The following ZBTB20 variants were observed in gnomAD, a reference collection of about 807,000 sequenced individuals.
ZBTB20 encodes zinc finger and BTB domain containing 20.
In ZBTB20, 9 loss-of-function variants were observed where a neutral mutation model predicts 56.9. The observed-to-expected ratio is 0.16, with a 90% confidence interval of 0.10 to 0.28. ZBTB20 has a LOEUF of 0.28. Ranked by LOEUF, ZBTB20 falls within the 10% of genes least tolerant of loss-of-function variation. ZBTB20 has a pLI of 1.00. For missense variants in ZBTB20, 655 were observed against 1,003.0 expected (o/e 0.65, Z 4.69); for synonymous variants, 417 against 420.7 (o/e 0.99, Z 0.11).
chr3:115,103,395 T>A (rs966910688), intron 1 of ZBTB20, among the ~76,000 whole-genome samples: 1 of 152,096 alleles, frequency 6.6e-6, no homozygotes, highest in African/African-American at 2.4e-5. Context: ...ATAACCAACA[T>A]AATATTGAAA....
At chr3:114,457,767 A>C (rs1388827744) in intron 7 of ZBTB20, among the ~76,000 whole-genome samples, 1 of 152,196 alleles carries the variant, frequency 6.6e-6, no homozygotes, top group Non-Finnish European at 1.5e-5. Flanking sequence ...TGAGGTATAG[A>C]AAGATTGTGT....
At chr3:114,781,149 T>A (rs760251583) in intron 5 of ZBTB20, among the ~76,000 whole-genome samples, 2 of 152,206 alleles carry the variant, frequency 1.3e-5, no homozygotes, top group Admixed American at 6.5e-5. Flanking sequence ...TTTTTTAATG[T>A]AGGCTGTGGA....
intron 5 of ZBTB20, among the ~76,000 whole-genome samples, chr3:114,711,152 T>C (rs905318950): frequency 6.6e-6 from 1 of 152,178 alleles, no homozygotes; most frequent in Non-Finnish European, 1.5e-5. Flanking sequence ...ACCTCCTTAT[T>C]ATGCATTATT....
chr3:114,382,855 A>T (rs2084555030), intron 8 of ZBTB20, among the ~76,000 whole-genome samples: 1 of 152,122 alleles, frequency 6.6e-6, no homozygotes, highest in Non-Finnish European at 1.5e-5. Context: ...TCATTTACAT[A>T]TTCATTTTAC....
intron 5 of ZBTB20, among the ~76,000 whole-genome samples, chr3:114,716,214 TA>T (rs1447629525): frequency 6.6e-6 from 1 of 152,156 alleles, no homozygotes; most frequent in Non-Finnish European, 1.5e-5. Flanking sequence ...CAGTTCTCCT[TA>T]AATAAAATCC....
At chr3:114,506,403 T>C (rs1224614982) in intron 6 of ZBTB20, among the ~76,000 whole-genome samples, 1 of 152,154 alleles carries the variant, frequency 6.6e-6, no homozygotes, top group Non-Finnish European at 1.5e-5. Flanking sequence ...TGAATCTCCC[T>C]GTTCCTTCTT....
At chr3:114,551,513 T>C (rs1437966397) in intron 6 of ZBTB20, among the ~76,000 whole-genome samples, 1 of 152,168 alleles carries the variant, frequency 6.6e-6, no homozygotes, top group Non-Finnish European at 1.5e-5. Context: ...AATAAGGGCC[T>C]CAGAAAGTTA....
At chr3:114,464,977 C>T (rs947566393) in intron 7 of ZBTB20, among the ~76,000 whole-genome samples, 7 of 151,424 alleles carry the variant, frequency 4.6e-5, no homozygotes, top group African/African-American at 1.2e-4. Flanking sequence ...TTTTCCCCTT[C>T]GTTTTTCCTT....
At chr3:114,633,698 C>G (rs1253975865) in intron 6 of ZBTB20, among the ~76,000 whole-genome samples, 2 of 152,040 alleles carry the variant, frequency 1.3e-5, no homozygotes, top group African/African-American at 4.8e-5. Context: ...TTGCACTGGG[C>G]TACTTTAGGG....
chr3:114,746,455 C>T (rs2067054605), intron 5 of ZBTB20, among the ~76,000 whole-genome samples: 1 of 151,540 alleles, frequency 6.6e-6, no homozygotes, highest in South Asian at 2.1e-4. Flanking sequence ...GATTTTTTTC[C>T]CAACACCTTT....
intron 7 of ZBTB20, among the ~76,000 whole-genome samples, chr3:114,396,335 C>T (rs1022074238): frequency 6.6e-6 from 1 of 152,126 alleles, no homozygotes; most frequent in Non-Finnish European, 1.5e-5. Flanking sequence ...CTCCAGATAA[C>T]ACACTCTGTC....
chr3:114,640,654 G>T (rs1257015411), intron 6 of ZBTB20, among the ~76,000 whole-genome samples: 1 of 151,898 alleles, frequency 6.6e-6, no homozygotes, highest in Non-Finnish European at 1.5e-5. Flanking sequence ...TAAAATATGG[G>T]GTTACCCTGT....
At chr3:114,929,728 T>C (rs1180055971) in intron 3 of ZBTB20, among the ~76,000 whole-genome samples, 5 of 152,220 alleles carry the variant, frequency 3.3e-5, no homozygotes, top group African/African-American at 1.2e-4. Flanking sequence ...TTTTATTTAA[T>C]TGTGAAATGT....
At chr3:114,438,435 C>CAA (rs1559789518) in intron 7 of ZBTB20, among the ~76,000 whole-genome samples, 22 of 145,574 alleles carry the variant, frequency 1.5e-4, no homozygotes, top group South Asian at 1.3e-3. Flanking sequence ...ACAAAAAAAA[C>CAA]CAAAAAAAAA....
intron 6 of ZBTB20, among the ~76,000 whole-genome samples, chr3:114,536,258 G>A (rs896807075): frequency 1.3e-5 from 2 of 152,186 alleles, no homozygotes; most frequent in African/African-American, 4.8e-5. Flanking sequence ...CATCATCTCA[G>A]CTCAAAATCT....
At chr3:114,736,883 A>C (rs1402486385) in intron 5 of ZBTB20, among the ~76,000 whole-genome samples, 1 of 152,198 alleles carries the variant, frequency 6.6e-6, no homozygotes, top group Admixed American at 6.5e-5. Flanking sequence ...AATTTGGATA[A>C]GACAGCAATA....
At chr3:115,121,350 C>A (rs1488159422) in intron 1 of ZBTB20, among the ~76,000 whole-genome samples, 2 of 151,888 alleles carry the variant, frequency 1.3e-5, no homozygotes, top group African/African-American at 4.8e-5. Flanking sequence ...TCAAATTTTA[C>A]CTATTGCCAC....
chr3:114,593,890 A>G (rs1372088888), intron 6 of ZBTB20, among the ~76,000 whole-genome samples: 1 of 151,508 alleles, frequency 6.6e-6, no homozygotes, highest in African/African-American at 2.4e-5. Flanking sequence ...CTTTTAAACA[A>G]CTCCTTCAAG....
intron 5 of ZBTB20, among the ~76,000 whole-genome samples, chr3:114,742,263 C>G (rs923849528): frequency 2.0e-5 from 3 of 151,904 alleles, no homozygotes; most frequent in African/African-American, 4.8e-5. Context: ...AAAGGTTGAG[C>G]CTGTCAATGA....
Sources: allele counts gnomAD v4.1 joint callset (sites outside exome capture counted in the v4.1 genomes callset), GRCh38; gene constraint gnomAD v4.1.1; transcripts MANE v1.5; gene names NCBI Gene and HGNC (gene_info 2026-07-23, HGNC 2026-07-21).